AK8: variants seen among roughly 807,000 people sequenced by gnomAD.
AK8 encodes adenylate kinase 8, also known as ATP-AMP transphosphorylase 8.
AK8 carries 44 observed loss-of-function variants against 54.6 expected under a neutral mutation model. That is an observed-to-expected ratio of 0.81 (90% CI 0.63 to 1.04). The LOEUF (loss-of-function observed/expected upper bound fraction) is 1.04. Ranked by LOEUF, AK8 falls within the 50% of genes least tolerant of loss-of-function variation. The probability of loss-of-function intolerance (pLI) is 0.00; values close to 1 mark genes in which losing one functional copy is unlikely to be tolerated. For synonymous variants in AK8, 239 were observed against 245.6 expected (o/e 0.97, Z 0.25); for missense variants, 555 against 613.6 (o/e 0.90, Z 1.01).
intron 10 of AK8, among the ~76,000 whole-genome samples, chr9:132,795,258 C>T (rs1028915612): frequency 3.3e-5 from 5 of 152,144 alleles, no homozygotes; most frequent in African/African-American, 7.2e-5. Flanking sequence ...GAGTAAAGCT[C>T]GGGAGGGAGC....
At chr9:132,802,648 T>C (rs1840518287) in intron 10 of AK8, among the ~76,000 whole-genome samples, 1 of 152,222 alleles carries the variant, frequency 6.6e-6, no homozygotes, top group Non-Finnish European at 1.5e-5. Context: ...AGAATCCGTC[T>C]TGGACACACT....
intron 10 of AK8, among the ~76,000 whole-genome samples, chr9:132,798,955 C>G (rs1230285189): frequency 6.6e-6 from 1 of 152,208 alleles, no homozygotes; most frequent in Admixed American, 6.5e-5. Flanking sequence ...CCCTCCCGCA[C>G]AGCAGTTCCA....
intron 11 of AK8, among the ~76,000 whole-genome samples, chr9:132,730,914 T>C (rs7869273): frequency 0.028 from 4,216 of 152,278 alleles, 188 homozygotes; most frequent in African/African-American, 0.096. Flanking sequence ...CCCCCGATCC[T>C]GCATGCTGTC....
chr9:132,738,752 CTTTTT>C (rs754082140), intron 11 of AK8, among the ~76,000 whole-genome samples: 1 of 120,810 alleles, frequency 8.3e-6, no homozygotes, highest in South Asian at 2.8e-4. Flanking sequence ...ATGTTCATGA[CTTTTT>C]TTTTTTTTTT....
At chr9:132,731,505 A>G (rs1209346860) in intron 11 of AK8, among the ~76,000 whole-genome samples, 1 of 152,174 alleles carries the variant, frequency 6.6e-6, no homozygotes, top group Non-Finnish European at 1.5e-5. Context: ...GAGAGAACCA[A>G]TACAGAAGGC....
intron 1 of AK8, among the ~76,000 whole-genome samples, chr9:132,876,768 T>C (rs916873073): frequency 2.0e-5 from 3 of 152,024 alleles, no homozygotes; most frequent in African/African-American, 7.2e-5. Context: ...ATGGAGGGAA[T>C]CCACAGATGA....
Position 132,814,278 on chromosome 9 carries a change from CAAAAAAAAAAAAAA to C in AK8, c.979+346_979+359del, listed in dbSNP as rs71376658. Among the ~76,000 whole-genome samples, 17 of 63,886 alleles carry C rather than the reference CAAAAAAAAAAAAAA, an allele frequency of 2.7e-4. 1 individual carries two copies. Among genetic ancestry groups the C allele is most frequent in the African/African-American group, 3.4e-4 (5 of 14,704 alleles). The allele number at this position is 63,886 out of a possible 152,430, so 41.9% of individuals were successfully genotyped here. Reference sequence around the variant, plus strand: ...TGAGTGACAGATTGATACCCTGTCTCAAAAAAAAAAAAAAAAAAAAAAAAAAAAAAGGATGTGGG... The same window carrying C: ...TGAGTGACAGATTGATACCCTGTCTCAAAAAAAAAAAAAAAAGGATGTGGG... On this transcript the variant is annotated intron_variant, in intron 10 of 12. Coordinates refer to ENST00000298545, the MANE Select transcript of AK8 (RefSeq NM_152572.3).
In AK8 at chr9:132,815,512, C is replaced by G. The variant is rs546625327; in HGVS notation, c.890-785G>C. 1.4e-4 allele frequency among the ~76,000 whole-genome samples: 21 copies of G among 151,914 alleles called. No individual in the cohort carries two copies. The South Asian group carries it at 4.4e-3, about 32-fold the overall frequency. ...AGGTTGCAGCGAGCCAAGATCGCGT[C>G]ACTGCGCTCCAGTCTGGGCAACAGA... On this transcript the variant is annotated intron_variant, in intron 9 of 12. Transcript: ENST00000298545.
chr9:132,797,807 G>A (rs1840244667), intron 10 of AK8, among the ~76,000 whole-genome samples: 2 of 152,128 alleles, frequency 1.3e-5, no homozygotes, highest in South Asian at 2.1e-4. Context: ...AATCTCCCCC[G>A]AAGGCCATGG....
intron 10 of AK8, among the ~76,000 whole-genome samples, chr9:132,805,271 G>T (rs1348134972): frequency 6.6e-6 from 1 of 152,216 alleles, no homozygotes; most frequent in African/African-American, 2.4e-5. Flanking sequence ...TCCCAGAAAT[G>T]TCAGGGTTGG....
At chr9:132,821,093 T>A (rs1448858883) in intron 9 of AK8, among the ~76,000 whole-genome samples, 1 of 151,988 alleles carries the variant, frequency 6.6e-6, no homozygotes, top group East Asian at 1.9e-4. Context: ...TAATTTCATC[T>A]CTTCATGGCT....
At chr9:132,755,025 C>G (rs1416519758) in intron 11 of AK8, among the ~76,000 whole-genome samples, 3 of 152,164 alleles carry the variant, frequency 2.0e-5, no homozygotes, top group Non-Finnish European at 1.5e-5. Flanking sequence ...TCTCGAACTC[C>G]TGACCTCAGG....
chr9:132,805,404 G>C lies in AK8; in HGVS notation c.979+9234C>G, dbSNP rs530339233. Among the ~76,000 whole-genome samples the C allele has an allele frequency of 1.4e-4, 22 of 152,356 alleles. No individual in the cohort carries two copies. In the South Asian group the frequency reaches 4.6e-3, roughly 32 times the overall value. On this transcript the variant is annotated intron_variant, in intron 10 of 12. Coordinates refer to ENST00000298545, the MANE Select transcript of AK8 (RefSeq NM_152572.3). ...CAGTGACAAGGAACAGCGCTAAGCA[G>C]GCCAGACCTACCCCCCTCCGGCAGC...
intron 11 of AK8, among the ~76,000 whole-genome samples, chr9:132,761,822 C>A (rs12349867): frequency 6.6e-6 from 1 of 150,784 alleles, no homozygotes; most frequent in Non-Finnish European, 1.5e-5. Context: ...TTCTCTCTCT[C>A]TCCCTCTCTC....
intron 5 of AK8, among the ~76,000 whole-genome samples, chr9:132,831,163 G>A (rs1011731411): frequency 7.9e-5 from 12 of 151,230 alleles, no homozygotes; most frequent in East Asian, 3.9e-4. Flanking sequence ...ATAAGTTATC[G>A]TAATGTCTAG....
intron 4 of AK8, among the ~76,000 whole-genome samples, chr9:132,862,389 G>A (rs563492369): frequency 1.3e-5 from 2 of 151,766 alleles, no homozygotes; most frequent in African/African-American, 2.4e-5. Context: ...GTGCAGTGGT[G>A]TGATCTTGAC....
At chr9:132,755,813 G>A (rs1039328732) in intron 11 of AK8, among the ~76,000 whole-genome samples, 1 of 151,546 alleles carries the variant, frequency 6.6e-6, no homozygotes, top group Middle Eastern at 3.4e-3. Flanking sequence ...TGTTTCCCAG[G>A]CTGGAGTGTA....
intron 11 of AK8, among the ~76,000 whole-genome samples, chr9:132,742,060 T>C (rs180994595): frequency 6.6e-6 from 1 of 152,260 alleles, no homozygotes; most frequent in East Asian, 1.9e-4. Context: ...TCAAGGTTCA[T>C]CCAGACTGTC....
Position 132,781,611 on chromosome 9 carries a change from T to TA in AK8, c.1121+11022dup, listed in dbSNP as rs1293317031. On this transcript the variant is annotated intron_variant, in intron 11 of 12. Coordinates refer to ENST00000298545, the MANE Select transcript of AK8 (RefSeq NM_152572.3). This position sits in a 1 kb window ranked among gnomAD's most constrained non-coding sequence, Gnocchi z 4.6. Reference sequence around the variant, plus strand: ...TAATCTAATTTCATTGAACCTTCCTTAAAAAAAGAGCCTTTGTAGATTTTC... The same window carrying TA: ...TAATCTAATTTCATTGAACCTTCCTTAAAAAAAAGAGCCTTTGTAGATTTTC... Among the ~76,000 whole-genome samples, 1 of 152,140 alleles carries TA rather than the reference T, an allele frequency of 6.6e-6. No individual in the cohort carries two copies. Among genetic ancestry groups the TA allele is most frequent in the East Asian group, 1.9e-4 (1 of 5,200 alleles).
Sources: allele counts gnomAD v4.1 joint callset (sites outside exome capture counted in the v4.1 genomes callset), GRCh38; gene constraint gnomAD v4.1.1; non-coding constraint Gnocchi (gnomAD v3.1); transcripts MANE v1.5; gene names NCBI Gene and HGNC (gene_info 2026-07-23, HGNC 2026-07-21).